The following PDE10A variants were observed in gnomAD, a reference collection of about 807,000 sequenced individuals.
PDE10A encodes the protein phosphodiesterase 10A, also known as cAMP and cAMP-inhibited cGMP 3',5'-cyclic phosphodiesterase 10A.
A neutral mutation model predicts 97.7 loss-of-function variants in PDE10A; 39 were observed. That is an observed-to-expected ratio of 0.40 (90% confidence interval 0.31 to 0.52). The LOEUF is 0.52. Ranked by LOEUF, PDE10A falls within the 20% of genes least tolerant of loss-of-function variation. The probability of loss-of-function intolerance (pLI) is 0.56; values close to 1 mark genes in which losing one functional copy is unlikely to be tolerated. For missense variants in PDE10A, 731 were observed against 1,047.8 expected (o/e 0.70, Z 4.17); for synonymous variants, 371 against 376.8 (o/e 0.98, Z 0.18).
chr6:165,426,848 T>C (rs1309107338), intron 10 of PDE10A, among the ~76,000 whole-genome samples: 1 of 152,094 alleles, frequency 6.6e-6, no homozygotes, highest in Non-Finnish European at 1.5e-5. Flanking sequence ...ACAATATACA[T>C]GCAGCCAATA....
At chr6:165,744,853 T>TA (rs3049879) in intron 1 of PDE10A, among the ~76,000 whole-genome samples, 110 of 147,600 alleles carry the variant, frequency 7.5e-4, no homozygotes, top group African/African-American at 1.3e-3. Flanking sequence ...CAGTACTGCT[T>TA]AAAAAAAAAA....
chr6:165,579,563 T>A (rs1165076495), intron 1 of PDE10A, among the ~76,000 whole-genome samples: 1 of 152,188 alleles, frequency 6.6e-6, no homozygotes, highest in Non-Finnish European at 1.5e-5. Flanking sequence ...TTCCCAACAG[T>A]CAACACCATC....
intron 2 of PDE10A, among the ~76,000 whole-genome samples, chr6:165,488,029 C>CAAAAA (rs58319021): frequency 4.8e-5 from 4 of 83,408 alleles, no homozygotes; most frequent in African/African-American, 1.2e-4. Flanking sequence ...AACAAATTGG[C>CAAAAA]AAAAAAAAAA....
At chr6:165,723,030 T>C (rs1306866935) in intron 1 of PDE10A, among the ~76,000 whole-genome samples, 1 of 152,138 alleles carries the variant, frequency 6.6e-6, no homozygotes, top group Non-Finnish European at 1.5e-5. Flanking sequence ...GTAACCAAAA[T>C]GTGAACACAC....
intron 1 of PDE10A, among the ~76,000 whole-genome samples, chr6:165,912,803 GA>G (rs1231408902): frequency 2.6e-5 from 4 of 152,208 alleles, no homozygotes; most frequent in African/African-American, 9.7e-5. Flanking sequence ...AGGGTCACAG[GA>G]AGCGAACCCT....
chr6:165,737,992 C>T (rs1248513020), intron 1 of PDE10A, among the ~76,000 whole-genome samples: 1 of 125,942 alleles, frequency 7.9e-6, no homozygotes, highest in Non-Finnish European at 1.6e-5. Flanking sequence ...GTCAGTCCCA[C>T]TTCTTTTTTT....
At chr6:165,692,141 A>G (rs893992488) in intron 1 of PDE10A, among the ~76,000 whole-genome samples, 2 of 152,144 alleles carry the variant, frequency 1.3e-5, no homozygotes, top group Non-Finnish European at 1.5e-5. Context: ...GAGTGCAGGG[A>G]GGCCATGCAG....
At chr6:165,781,268 G>A (rs1778333782) in intron 1 of PDE10A, 1 of 150,988 alleles carries the variant, frequency 6.6e-6, no homozygotes, top group African/African-American at 2.4e-5. Flanking sequence ...GCAGAACTGT[G>A]ACTTAAACCC....
chr6:165,828,651 C>T (rs939608265), intron 1 of PDE10A, among the ~76,000 whole-genome samples: 14 of 152,154 alleles, frequency 9.2e-5, no homozygotes, highest in African/African-American at 3.1e-4. Context: ...TTTGAAAATT[C>T]GATCACAGGC....
chr6:165,894,164 T>G (rs1448189640), intron 1 of PDE10A: 1 of 370,302 alleles, frequency 2.7e-6, no homozygotes, highest in Non-Finnish European at 5.4e-6. Flanking sequence ...ATATGACAGC[T>G]GATTTAGGAA....
intron 1 of PDE10A, among the ~76,000 whole-genome samples, chr6:165,845,245 G>GA (rs36109271): frequency 0.022 from 3,340 of 152,338 alleles, 56 homozygotes; most frequent in South Asian, 0.083. Context: ...CTCCAGACAT[G>GA]AAAGTGGGAG....
intron 1 of PDE10A, among the ~76,000 whole-genome samples, chr6:165,829,081 A>T (rs1485228885): frequency 6.6e-6 from 1 of 152,198 alleles, no homozygotes; most frequent in Non-Finnish European, 1.5e-5. Context: ...AAAGGTACAG[A>T]ATGAGAAGAT....
chr6:165,884,813 CTTTG>C (rs967441416), intron 1 of PDE10A, among the ~76,000 whole-genome samples: 24 of 152,132 alleles, frequency 1.6e-4, no homozygotes, highest in East Asian at 9.6e-4. Flanking sequence ...ATGAGCGAGG[CTTTG>C]TTTAAGAAAA....
At chr6:165,660,773 GC>G (rs1487481437) in intron 1 of PDE10A, 3 of 152,304 alleles carry the variant, frequency 2.0e-5, no homozygotes, top group Non-Finnish European at 4.4e-5. Context: ...CGGCTCCTGA[GC>G]GAGGCGCAGA....
intron 17 of PDE10A, among the ~76,000 whole-genome samples, chr6:165,384,622 G>T: frequency 1.0e-5 from 1 of 95,444 alleles, no homozygotes; most frequent in Non-Finnish European, 2.0e-5. Flanking sequence ...GTGTGTGTAT[G>T]TGTGAGTGAG....
chr6:165,362,783 T>A (rs911086507), intron 18 of PDE10A, among the ~76,000 whole-genome samples: 5 of 152,152 alleles, frequency 3.3e-5, no homozygotes, highest in Non-Finnish European at 5.9e-5. Context: ...CAGACCAGTA[T>A]AATTTATGAA....
chr6:165,866,489 G>A (rs553143604), intron 1 of PDE10A, among the ~76,000 whole-genome samples: 4 of 151,770 alleles, frequency 2.6e-5, no homozygotes, highest in Non-Finnish European at 5.9e-5. Flanking sequence ...AAGGGCATCC[G>A]CAGTCTCTTA....
chr6:165,845,207 G>C (rs1001658193), intron 1 of PDE10A, among the ~76,000 whole-genome samples: 2 of 152,188 alleles, frequency 1.3e-5, no homozygotes, highest in Admixed American at 6.5e-5. Context: ...CAATGTTACA[G>C]GGTCTGATCC....
intron 1 of PDE10A, among the ~76,000 whole-genome samples, chr6:165,906,337 G>A (rs939382870): frequency 2.2e-4 from 34 of 151,814 alleles, no homozygotes; most frequent in Admixed American, 3.9e-4. Context: ...ATGAACTCAC[G>A]TCCTGAGATC....
Sources: allele counts gnomAD v4.1 joint callset (sites outside exome capture counted in the v4.1 genomes callset), GRCh38; gene constraint gnomAD v4.1.1; transcripts MANE v1.5; gene names NCBI Gene and HGNC (gene_info 2026-07-23, HGNC 2026-07-21).